DLC1: variants seen among roughly 807,000 people sequenced by gnomAD.
DLC1 encodes DLC1 Rho GTPase activating protein.
DLC1 carries 54 observed loss-of-function variants against 140.3 expected under a neutral mutation model. The ratio of observed to expected loss-of-function variants is 0.38; its 90% CI spans 0.31 to 0.48. The LOEUF is 0.48. Among genes scored for constraint, DLC1 ranks in the 20% least tolerant of loss-of-function variants. The pLI, the probability that DLC1 is intolerant of heterozygous loss-of-function variation, is 0.96. For synonymous variants in DLC1, 986 were observed against 728.1 expected (o/e 1.35, Z -5.70); for missense variants, 2,536 against 1,907.0 (o/e 1.33, Z -6.14).
At chr8:13,355,940 A>C (rs905897855) in intron 4 of DLC1, among the ~76,000 whole-genome samples, 12 of 151,568 alleles carry the variant, frequency 7.9e-5, no homozygotes, top group African/African-American at 2.9e-4. Flanking sequence ...ATTCAAAAAA[A>C]TTAGCCAGGC....
intron 2 of DLC1, among the ~76,000 whole-genome samples, chr8:13,416,426 A>G: frequency 6.6e-6 from 1 of 152,320 alleles, no homozygotes; most frequent in Non-Finnish European, 1.5e-5. Context: ...AAAGATATAT[A>G]TACAAAACAT....
intron 3 of DLC1, among the ~76,000 whole-genome samples, chr8:13,401,063 T>TGC (rs1837271966): frequency 6.6e-6 from 1 of 152,148 alleles, no homozygotes; most frequent in African/African-American, 2.4e-5. Flanking sequence ...ATCCATCCAT[T>TGC]TACTCATGCA....
intron 5 of DLC1, among the ~76,000 whole-genome samples, chr8:13,258,391 A>G (rs553782424): frequency 6.6e-6 from 1 of 152,362 alleles, no homozygotes; most frequent in South Asian, 2.1e-4. Flanking sequence ...TGAAAAACAT[A>G]GGAAGATAGG....
At chr8:13,272,112 A>G (rs1830957321) in intron 5 of DLC1, among the ~76,000 whole-genome samples, 2 of 152,252 alleles carry the variant, frequency 1.3e-5, no homozygotes, top group Admixed American at 1.3e-4. Context: ...AATGTCATTG[A>G]TACTATTTAG....
intron 5 of DLC1, among the ~76,000 whole-genome samples, chr8:13,173,256 T>TG (rs1210661021): frequency 1.3e-5 from 2 of 152,072 alleles, no homozygotes; most frequent in African/African-American, 4.8e-5. Flanking sequence ...AGAGCTCGCG[T>TG]GGGGTGGGAA....
chr8:13,124,324 G>C (rs1283313138), intron 5 of DLC1, among the ~76,000 whole-genome samples: 1 of 152,158 alleles, frequency 6.6e-6, no homozygotes, highest in Admixed American at 6.5e-5. Flanking sequence ...TATGAAACTG[G>C]ATTGCAGGAG....
At chr8:13,470,846 C>A (rs921542734) in intron 2 of DLC1, among the ~76,000 whole-genome samples, 2 of 152,180 alleles carry the variant, frequency 1.3e-5, no homozygotes, top group African/African-American at 4.8e-5. Context: ...GCTTTATTCA[C>A]AGTAGCCAAG....
At chr8:13,544,303 G>C (rs1803583864) in intron 1 of DLC1, among the ~76,000 whole-genome samples, 1 of 151,836 alleles carries the variant, frequency 6.6e-6, no homozygotes, top group Non-Finnish European at 1.5e-5. Flanking sequence ...AGAAGGTCTT[G>C]GAGCAGCCAA....
At chr8:13,505,611 C>T (rs1802023556) in intron 1 of DLC1, among the ~76,000 whole-genome samples, 1 of 152,108 alleles carries the variant, frequency 6.6e-6, no homozygotes, top group Non-Finnish European at 1.5e-5. Flanking sequence ...CTTTTTGCCC[C>T]ATTCCCCCTC....
In DLC1 at chr8:13,099,966, C is replaced by T. The variant is rs532841; in HGVS notation, c.2371G>A (p.Val791Met). Residue 791 changes from valine to methionine, a missense_variant, in exon 9 of 18, where the codon GTG becomes ATG. By Grantham distance (21) the Val-to-Met change is conservative. Transcript: ENST00000276297. ...TCGCGGTTCTTAAAGTTCTGCTCCA[C>T]CACGTTGTTAAATGTTGACTGATTG... is the stretch of plus-strand genomic sequence containing the variant. ...PFNQSTFNNV[V>M]EQNFKNRESY... 0.5 allele frequency: 798,255 copies of T among 1,612,378 alleles called. 200,609 individuals carry two copies. Among genetic ancestry groups the T allele is most frequent in the African/African-American group, 0.61 (45,616 of 74,916 alleles).
chr8:13,297,913 C>T (rs756825540), intron 5 of DLC1, among the ~76,000 whole-genome samples: 33 of 152,006 alleles, frequency 2.2e-4, no homozygotes, highest in Admixed American at 6.5e-4. Flanking sequence ...CATTTCCTTT[C>T]TCAGGGATGA....
intron 5 of DLC1, among the ~76,000 whole-genome samples, chr8:13,133,713 G>C (rs570187987): frequency 6.6e-6 from 1 of 152,034 alleles, no homozygotes; most frequent in Non-Finnish European, 1.5e-5. Flanking sequence ...GGACCCTAGT[G>C]TGCCTTGAGC....
chr8:13,566,079 T>C (rs1478340941), intron 1 of DLC1, among the ~76,000 whole-genome samples: 1 of 152,130 alleles, frequency 6.6e-6, no homozygotes, highest in African/African-American at 2.4e-5. Flanking sequence ...GCTGGGCTCA[T>C]ACTAGTCGGC....
chr8:13,427,862 G>T (rs572971399), intron 2 of DLC1, among the ~76,000 whole-genome samples: 1 of 152,146 alleles, frequency 6.6e-6, no homozygotes, highest in Non-Finnish European at 1.5e-5. Flanking sequence ...TGGGATGCAG[G>T]AATGATGTCT....
At chr8:13,569,623 T>A (rs530983656) in intron 1 of DLC1, among the ~76,000 whole-genome samples, 2 of 152,332 alleles carry the variant, frequency 1.3e-5, no homozygotes, top group East Asian at 3.9e-4. Context: ...TCTTCCTTTT[T>A]ATTTTTCAAC....
chr8:13,459,436 G>GT (rs1427369400), intron 2 of DLC1, among the ~76,000 whole-genome samples: 2 of 152,168 alleles, frequency 1.3e-5, no homozygotes, highest in African/African-American at 2.4e-5. Flanking sequence ...TGAAAGAAAG[G>GT]TTTTTTCCCT....
intron 5 of DLC1, among the ~76,000 whole-genome samples, chr8:13,125,746 TC>T (rs1821503938): frequency 6.6e-6 from 1 of 151,900 alleles, no homozygotes; most frequent in African/African-American, 2.4e-5. Flanking sequence ...CATTTTTTTT[TC>T]TCTTATTCTT....
chr8:13,322,022 A>G (rs574641275), intron 4 of DLC1, among the ~76,000 whole-genome samples: 1 of 152,334 alleles, frequency 6.6e-6, no homozygotes, highest in South Asian at 2.1e-4. Context: ...AGAAAATTAA[A>G]GATTTATTGA....
chr8:13,161,007 G>A (rs529009261), intron 5 of DLC1, among the ~76,000 whole-genome samples: 1 of 152,300 alleles, frequency 6.6e-6, no homozygotes, highest in Admixed American at 6.5e-5. Flanking sequence ...CACGAACCCG[G>A]GAGGCAGAGC....
Sources: gnomAD v4.1 joint callset for allele counts (sites outside exome capture counted in the v4.1 genomes callset) on GRCh38, gnomAD v4.1.1 for gene constraint, MANE v1.5 for transcripts, NCBI Gene and HGNC (gene_info 2026-07-23, HGNC 2026-07-21) for gene names.